Variants in KDM4B observed in about 807,000 individuals in gnomAD.
The protein encoded by KDM4B is lysine demethylase 4B, also known as lysine-specific demethylase 4B.
Under a neutral mutation model 125.2 loss-of-function variants are expected in KDM4B, and 32 were observed. That is an observed-to-expected ratio of 0.26 (90% CI 0.19 to 0.34). KDM4B has a LOEUF of 0.34. Among genes scored for constraint, KDM4B ranks in the 10% least tolerant of loss-of-function variants. KDM4B has a pLI of 1.00. For missense variants in KDM4B, 1,190 were observed against 1,577.7 expected, an observed-to-expected ratio of 0.75 and a Z score of 4.16; for synonymous variants, 721 against 677.9, an observed-to-expected ratio of 1.06 and a Z score of -0.99.
In KDM4B at chr19:4,990,101, G is replaced by A. The variant is rs150868945; in HGVS notation, c.-109+20871G>A. Among the ~76,000 whole-genome samples the A allele has an allele frequency of 1.8e-4, 28 of 152,218 alleles. No individual in the cohort carries two copies. In the East Asian group the frequency reaches 4.5e-3, roughly 24 times the overall value. ...GGCCAGGAGTTCAAGACCAGGCTGG[G>A]CAACATAATGAGACCCAGTCTCTAC... On this transcript the variant is annotated intron_variant, in intron 1 of 22. Coordinates refer to ENST00000159111, the MANE Select transcript of KDM4B (RefSeq NM_015015.3).
rs75309659 is a variant in KDM4B at position 5,114,835 on chromosome 19, C to T, written c.1115+4017C>T. On this transcript the variant is annotated intron_variant, in intron 10 of 22. Coordinates refer to ENST00000159111, the MANE Select transcript of KDM4B (RefSeq NM_015015.3). The surrounding 1 kb of genome is among the most constrained non-coding windows in gnomAD (Gnocchi z 5.8). ...TGACAGGGCCAGAGGCCGTCCACCC[C>T]GCCTCCTGCCATACAAGCTGCAAAG... is the stretch of plus-strand genomic sequence containing the variant. Among the ~76,000 whole-genome samples the T allele has an allele frequency of 0.018, 2,800 of 152,344 alleles. 52 individuals carry two copies. The highest frequency in any genetic ancestry group is 0.049 in the African/African-American group (2,045 of 41,578).
At chr19:5,008,255 T>A (rs2035621558) in intron 1 of KDM4B, among the ~76,000 whole-genome samples, 1 of 152,236 alleles carries the variant, frequency 6.6e-6, no homozygotes, top group South Asian at 2.1e-4. Context: ...CCAGCACTAT[T>A]TGTTGAAAAA....
chr19:5,066,009 C>G (rs971964783), intron 6 of KDM4B, among the ~76,000 whole-genome samples: 1 of 152,212 alleles, frequency 6.6e-6, no homozygotes, highest in African/African-American at 2.4e-5. Context: ...CGGCTCGTTG[C>G]TGCCTACGTT....
intron 6 of KDM4B, among the ~76,000 whole-genome samples, chr19:5,067,200 G>A (rs773696989): frequency 6.6e-6 from 1 of 152,172 alleles, no homozygotes; most frequent in Non-Finnish European, 1.5e-5. Flanking sequence ...TTAGCTTGCT[G>A]CAAGAGTCCT....
chr19:5,082,630 C>T lies in KDM4B; in HGVS notation c.918+126C>T, dbSNP rs1599578365. On this transcript the variant is annotated intron_variant, in intron 9 of 22. Transcript: ENST00000159111. The surrounding 1 kb of genome is among the most constrained non-coding windows in gnomAD (Gnocchi z 5.4). ...CTCAGCCCAGGGCCTGGGCTCTCAA[C>T]CAGGGTCTGATTCTGGGCTCCTCAG... 2.8e-6 allele frequency: 3 copies of T among 1,054,296 alleles called. No homozygotes were observed. The highest frequency in any genetic ancestry group is 2.7e-6 in the Non-Finnish European group (2 of 753,016). 65.3% of individuals were successfully genotyped at this position (1,054,296 alleles called of 1,614,324 possible).
Position 5,110,636 on chromosome 19 carries a change from G to A in KDM4B, c.933G>A (p.Lys311=), listed in dbSNP as rs1568303589. The A allele has an allele frequency of 6.2e-7, 1 of 1,612,850 alleles. No individual in the cohort carries two copies. Among genetic ancestry groups the A allele is most frequent in the Admixed American group, 1.7e-5 (1 of 60,004 alleles). Reference sequence around the variant, plus strand: ...CCCTGCCGCAGTGCACGTGCCGGAAGGACATGGTCAAGATCTCCATGGACG... The same window carrying A: ...CCCTGCCGCAGTGCACGTGCCGGAAAGACATGGTCAAGATCTCCATGGACG... ...GKVATQCTCR[K]DMVKISMDVF... The change falls in exon 10 of 23, where the codon AAG becomes AAA. Residue 311 remains lysine (K), a synonymous_variant. Coordinates refer to ENST00000159111, the MANE Select transcript of KDM4B (RefSeq NM_015015.3).
Position 5,081,413 on chromosome 19 carries a change from G to C in KDM4B, c.781-954G>C, listed in dbSNP as rs1054993795. Among the ~76,000 whole-genome samples, 2 of 152,184 alleles carry C rather than the reference G, an allele frequency of 1.3e-5. No homozygotes were observed. Among genetic ancestry groups the C allele is most frequent in the African/African-American group, 4.8e-5 (2 of 41,450 alleles). The stretch of plus-strand genomic sequence containing the variant: ...TGGCCATCTCGAGTGTCCCCAGAGT[G>C]GGGAGGGTTCCTAGGGCACAAGGCT... On this transcript the variant is annotated intron_variant, in intron 8 of 22. Coordinates refer to ENST00000159111, the MANE Select transcript of KDM4B (RefSeq NM_015015.3). This position sits in a 1 kb window ranked among gnomAD's most constrained non-coding sequence, Gnocchi z 4.2.
chr19:4,970,659 C>T (rs1033784682), intron 1 of KDM4B, among the ~76,000 whole-genome samples: 1 of 146,808 alleles, frequency 6.8e-6, no homozygotes, highest in Non-Finnish European at 1.5e-5. Context: ...AATGACTCCC[C>T]TAATTCTCCA....
At chr19:5,131,657 G>GGGGGGCCGGTGGGGT in intron 12 of KDM4B, 112 bp downstream of exon 12, 1 of 636,732 alleles carries the variant, frequency 1.6e-6, no homozygotes, top group African/African-American at 1.8e-5. Flanking sequence ...GCAGGGAGGA[G>GGGGGGCCGGTGGGGT]GGGACAGGAG....
At chr19:4,988,778 T>A (rs1244539181) in intron 1 of KDM4B, among the ~76,000 whole-genome samples, 1 of 152,210 alleles carries the variant, frequency 6.6e-6, no homozygotes, top group Non-Finnish European at 1.5e-5. Flanking sequence ...CACGCATTCA[T>A]CTGTGGGGAA....
Position 5,131,198 on chromosome 19 carries a change from T to G in KDM4B, c.1438T>G (p.Trp480Gly). 8 of 1,604,658 alleles carry G rather than the reference T, an allele frequency of 5.0e-6. No homozygotes were observed. The highest frequency in any genetic ancestry group is 6.8e-6 in the Non-Finnish European group (8 of 1,176,136). ...TCACTTCCCCTCAGAGGAGGCGCTG[T>G]GGCTGCCATCCCCACTGGAGCCCCC... ...PAHFPSEEAL[W>G]LPSPLEPPVL... Residue 480 changes from tryptophan (W) to glycine (G), a missense_variant, in exon 12 of 23, where the codon TGG becomes GGG. Around this residue, in one of 7 missense-constraint regions of KDM4B, gnomAD observed 428 missense variants for 405.1 expected, o/e 1.06. Transcript: ENST00000159111.
intron 6 of KDM4B, among the ~76,000 whole-genome samples, chr19:5,059,321 C>T (rs1415105055): frequency 2.0e-5 from 3 of 152,242 alleles, no homozygotes; most frequent in Non-Finnish European, 4.4e-5. Context: ...CGCTGGCTGC[C>T]TTCTGATGAA....
At position 5,144,253 on chromosome 19, in the gene KDM4B, A is replaced by G. The variant is rs776151869; in HGVS notation, c.2742A>G (p.Gln914=). The G allele has an allele frequency of 6.3e-7, 1 of 1,596,912 alleles. No individual in the cohort carries two copies. Among genetic ancestry groups the G allele is most frequent in the South Asian group, 1.1e-5 (1 of 88,780 alleles). Reference sequence around the variant, plus strand: ...CACCCTCCGCACCCTCCCAGGTCCAACTCCTGAGGGCCGTGTCCCTAGGCC... The same window carrying G: ...CACCCTCCGCACCCTCCCAGGTCCAGCTCCTGAGGGCCGTGTCCCTAGGCC... ...LKHKSGGHAV[Q]LLRAVSLGQV... The change falls in exon 20 of 23, where the codon CAA becomes CAG. Residue 914 remains glutamine (Q), a synonymous_variant. Transcript: ENST00000159111.
At chr19:5,121,510 C>T (rs1243157165) in intron 11 of KDM4B, among the ~76,000 whole-genome samples, 3 of 152,138 alleles carry the variant, frequency 2.0e-5, no homozygotes, top group Non-Finnish European at 4.4e-5. Context: ...CAGAGATGAG[C>T]GACAGGCACA....
chr19:5,082,492 A>G lies in KDM4B; in HGVS notation c.906A>G (p.Lys302=). The part of the protein sequence containing the change: ...FATLRWIDYG[K]VATQCTCRKD... ...CCCTGCGGTGGATTGACTACGGCAA[A>G]GTGGCCACTCAGGTAAAAGCTTGCC... Residue 302 remains lysine (K), a synonymous_variant, in exon 9 of 23, where the codon AAA becomes AAG. Transcript: ENST00000159111. This position sits in a 1 kb window ranked among gnomAD's most constrained non-coding sequence, Gnocchi z 5.4. 2 of 1,603,370 alleles carry G rather than the reference A, an allele frequency of 1.2e-6. No homozygotes were observed.
intron 2 of KDM4B, among the ~76,000 whole-genome samples, chr19:5,027,908 A>G (rs1234445352): frequency 6.6e-6 from 1 of 152,198 alleles, no homozygotes; most frequent in East Asian, 1.9e-4. Context: ...TCACCCATTT[A>G]AAGTGTCCAG....
intron 9 of KDM4B, among the ~76,000 whole-genome samples, chr19:5,096,872 C>G (rs1462417656): frequency 2.0e-5 from 3 of 152,176 alleles, no homozygotes; most frequent in Non-Finnish European, 4.4e-5. Context: ...AAGTGTCCCT[C>G]CGTTTCTGGA....
At chr19:4,982,064 G>T (rs528152958) in intron 1 of KDM4B, among the ~76,000 whole-genome samples, 44 of 151,786 alleles carry the variant, frequency 2.9e-4, no homozygotes, top group African/African-American at 1.0e-3. Context: ...GCTGAGGTGG[G>T]CAGATCACCT....
At chr19:5,092,796 TGGA>T (rs2145922323) in intron 9 of KDM4B, among the ~76,000 whole-genome samples, 2 of 152,218 alleles carry the variant, frequency 1.3e-5, no homozygotes, top group South Asian at 4.1e-4. Context: ...TCAGAAATGG[TGGA>T]GTTCTCCCCT....
Sources: gnomAD v4.1 joint callset for allele counts (sites outside exome capture counted in the v4.1 genomes callset) on GRCh38, gnomAD v4.1.1 for gene constraint, gnomAD v4.1.1 regional missense constraint, Gnocchi (gnomAD v3.1) non-coding constraint, MANE v1.5 for transcripts, NCBI Gene and HGNC (gene_info 2026-07-23, HGNC 2026-07-21) for gene names.